The following DIAPH2 variants were observed in gnomAD, a reference collection of about 807,000 sequenced individuals.
DIAPH2 encodes protein diaphanous homolog 2.
DIAPH2 carries 35 observed loss-of-function variants against 92.7 expected under a neutral mutation model. The ratio of observed to expected loss-of-function variants is 0.38; its 90% CI spans 0.29 to 0.50. The LOEUF is 0.50. DIAPH2 is among the 20% of genes least tolerant of loss of function. DIAPH2 has a pLI of 0.94. For missense variants in DIAPH2, 701 were observed against 819.5 expected, an observed-to-expected ratio of 0.86 and a Z score of 1.77; for synonymous variants, 301 against 280.4, an observed-to-expected ratio of 1.07 and a Z score of -0.73.
At chrX:97,199,629 A>G (rs1025648128) in intron 22 of DIAPH2, among the ~76,000 whole-genome samples, 1 of 111,712 alleles carries the variant, frequency 9.0e-6, no homozygotes, top group Middle Eastern at 4.2e-3. Context: ...AACTTTCCAT[A>G]TACCAACTGC....
chrX:97,252,647 A>G (rs1215533532), intron 23 of DIAPH2, among the ~76,000 whole-genome samples: 1 of 112,068 alleles, frequency 8.9e-6, no homozygotes, highest in Non-Finnish European at 1.9e-5. Context: ...ACACTTTGTA[A>G]AGCAAATGTC....
intron 9 of DIAPH2, among the ~76,000 whole-genome samples, chrX:96,919,374 G>A (rs746867283): frequency 5.2e-4 from 58 of 111,874 alleles, no homozygotes; most frequent in Middle Eastern, 4.2e-3. Context: ...CTGGTCTAAC[G>A]TGACACAGTT....
chrX:97,032,996 C>T (rs1297355279), intron 17 of DIAPH2, among the ~76,000 whole-genome samples: 2 of 111,424 alleles, frequency 1.8e-5, no homozygotes, highest in Non-Finnish European at 3.8e-5. Context: ...GTATGATGCC[C>T]TTAAGGAACA....
At chrX:96,870,585 C>T (rs1029681528) in intron 4 of DIAPH2, among the ~76,000 whole-genome samples, 2 of 110,552 alleles carry the variant, frequency 1.8e-5, no homozygotes, top group Non-Finnish European at 3.8e-5. Context: ...GGCACACATC[C>T]ATTTATTCAT....
chrX:97,113,534 A>G (rs779517888), intron 20 of DIAPH2, among the ~76,000 whole-genome samples: 36 of 112,394 alleles, frequency 3.2e-4, no homozygotes, highest in Non-Finnish European at 5.6e-4. Flanking sequence ...ATGAAAGCAT[A>G]TAGGAGGATT....
At chrX:97,011,795 G>A (rs1229978523) in intron 17 of DIAPH2, among the ~76,000 whole-genome samples, 1 of 105,355 alleles carries the variant, frequency 9.5e-6, no homozygotes, top group Non-Finnish European at 1.9e-5. Context: ...GGGAGGCTGA[G>A]GCACGAGAAT....
chrX:96,723,457 A>ACT (rs2064000850), intron 1 of DIAPH2, among the ~76,000 whole-genome samples: 2 of 111,707 alleles, frequency 1.8e-5, no homozygotes, highest in African/African-American at 6.5e-5. Context: ...TGCCTATAGA[A>ACT]AGGAAAAATC....
chrX:97,360,296 T>C (rs917354900), intron 24 of DIAPH2, among the ~76,000 whole-genome samples: 1 of 111,231 alleles, frequency 9.0e-6, no homozygotes, highest in East Asian at 2.8e-4. Context: ...CTCATATACA[T>C]TGGGGACATA....
intron 26 of DIAPH2, among the ~76,000 whole-genome samples, chrX:97,523,107 C>T (rs2071002306): frequency 8.9e-6 from 1 of 112,078 alleles, no homozygotes; most frequent in African/African-American, 3.2e-5. Flanking sequence ...TTCATTTCAG[C>T]CTAGAGGCAA....
At chrX:96,937,648 G>A (rs1222012740) in intron 11 of DIAPH2, among the ~76,000 whole-genome samples, 2 of 111,581 alleles carry the variant, frequency 1.8e-5, no homozygotes, top group Non-Finnish European at 3.8e-5. Context: ...TTACATGTAA[G>A]GATTTTTTTG....
intron 26 of DIAPH2, among the ~76,000 whole-genome samples, chrX:97,514,493 G>A (rs1386011824): frequency 3.9e-4 from 38 of 96,625 alleles, no homozygotes; most frequent in Non-Finnish European, 4.3e-4. Context: ...ATCGTCTGAA[G>A]CCTTCTTCTC....
Position 97,158,836 on chromosome X carries a change from G to C in DIAPH2, c.2719+17042G>C, listed in dbSNP as rs568045288. Among the ~76,000 whole-genome samples, 4 of 111,960 alleles carry C rather than the reference G, an allele frequency of 3.6e-5. No homozygotes were observed. The East Asian group carries it at 1.1e-3, about 31-fold the overall frequency. Reference sequence around the variant, plus strand: ...ATATTGAAAATGCAAAGTAAGTCCAGACTGAAATATCATTTATTTCATGAA... The same window carrying C: ...ATATTGAAAATGCAAAGTAAGTCCACACTGAAATATCATTTATTTCATGAA... On this transcript the variant is annotated intron_variant, in intron 22 of 26. Coordinates refer to ENST00000324765, the MANE Select transcript of DIAPH2 (RefSeq NM_006729.5).
chrX:96,709,842 G>A (rs969359520), intron 1 of DIAPH2, among the ~76,000 whole-genome samples: 2 of 112,036 alleles, frequency 1.8e-5, no homozygotes, highest in African/African-American at 6.5e-5. Context: ...AATGATCATC[G>A]TAGTCAAACA....
chrX:96,782,343 T>TG (rs1272867682), intron 4 of DIAPH2, among the ~76,000 whole-genome samples: 1 of 111,087 alleles, frequency 9.0e-6, no homozygotes, highest in Non-Finnish European at 1.9e-5. Context: ...CCAGGCTAGA[T>TG]GGGGTGCAGT....
intron 25 of DIAPH2, among the ~76,000 whole-genome samples, chrX:97,408,076 A>G (rs1052376927): frequency 8.9e-6 from 1 of 111,924 alleles, no homozygotes; most frequent in Non-Finnish European, 1.9e-5. Context: ...TTGTAATTCT[A>G]TACCATTTTC....
chrX:96,768,286 G>A (rs1322136115), intron 4 of DIAPH2, among the ~76,000 whole-genome samples: 1 of 112,069 alleles, frequency 8.9e-6, no homozygotes, highest in Non-Finnish European at 1.9e-5. Flanking sequence ...TAAGTTGGCA[G>A]CAGCAACGGC....
At chrX:97,293,297 C>T (rs1483787666) in intron 23 of DIAPH2, among the ~76,000 whole-genome samples, 2 of 82,161 alleles carry the variant, frequency 2.4e-5, no homozygotes, top group Non-Finnish European at 4.3e-5. Flanking sequence ...TGTCGCCAGT[C>T]TGGAGTGCAG....
At chrX:96,913,083 T>A (rs2065479498) in intron 7 of DIAPH2, among the ~76,000 whole-genome samples, 1 of 110,698 alleles carries the variant, frequency 9.0e-6, no homozygotes, top group Admixed American at 9.7e-5. Context: ...TGGAGCCCTA[T>A]TCCAATGTTT....
chrX:97,312,245 G>A (rs1042969205), intron 23 of DIAPH2, among the ~76,000 whole-genome samples: 1 of 109,034 alleles, frequency 9.2e-6, no homozygotes, highest in African/African-American at 3.3e-5. Flanking sequence ...TAGGTCAGAT[G>A]TCTTTCACTG....
Sources: allele counts gnomAD v4.1 joint callset (sites outside exome capture counted in the v4.1 genomes callset), GRCh38; gene constraint gnomAD v4.1.1; transcripts MANE v1.5; gene names NCBI Gene and HGNC (gene_info 2026-07-23, HGNC 2026-07-21).